Variants in HS3ST5 observed in about 807,000 individuals in gnomAD.
The protein encoded by HS3ST5 is heparan sulfate-glucosamine 3-sulfotransferase 5.
HS3ST5 carries 10 observed loss-of-function variants against 25.4 expected under a neutral mutation model. That is an observed-to-expected ratio of 0.39 (90% CI 0.24 to 0.67). HS3ST5 has a LOEUF of 0.67. HS3ST5 is among the 30% of genes least tolerant of loss of function. The pLI is 0.44. For synonymous variants in HS3ST5, 170 were observed against 162.4 expected (o/e 1.05, Z -0.36); for missense variants, 324 against 420.7 (o/e 0.77, Z 2.01).
At position 114,073,359 on chromosome 6, in the gene HS3ST5, A is replaced by G. The variant is rs139818922; in HGVS notation, c.-32-10482T>C. On this transcript the variant is annotated intron_variant, in intron 3 of 4. Coordinates refer to ENST00000312719, the MANE Select transcript of HS3ST5 (RefSeq NM_153612.4). The stretch of plus-strand genomic sequence containing the variant: ...TATCATCAGAGTGAACAGGCAACCT[A>G]CAGAATGGGAGAAAATTTTTGCAAT... Among the ~76,000 whole-genome samples, 834 of 152,336 alleles carry G rather than the reference A, an allele frequency of 5.5e-3. 6 individuals carry two copies. The highest frequency in any genetic ancestry group is 0.019 in the African/African-American group (804 of 41,562).
intron 3 of HS3ST5, among the ~76,000 whole-genome samples, chr6:114,126,609 T>C (rs1332560054): frequency 2.0e-5 from 3 of 152,210 alleles, no homozygotes; most frequent in Admixed American, 2.0e-4. Flanking sequence ...ATCTAATGTA[T>C]GTAAGAGCAG....
intron 3 of HS3ST5, among the ~76,000 whole-genome samples, chr6:114,129,587 G>A (rs781210110): frequency 1.4e-4 from 21 of 152,076 alleles, no homozygotes; most frequent in East Asian, 5.8e-4. Context: ...GCAGAGGGTG[G>A]GATGCCAAAC....
chr6:114,084,833 CTTTTT>C lies in HS3ST5; in HGVS notation c.-32-21961_-32-21957del, dbSNP rs372362974. 312 of 503,796 alleles carry C rather than the reference CTTTTT, an allele frequency of 6.2e-4. 1 individual carries two copies. The highest frequency in any genetic ancestry group is 3.6e-3 in the South Asian group (179 of 50,390). 31.2% of individuals were successfully genotyped at this position (503,796 alleles called of 1,614,324 possible). On this transcript the variant is annotated intron_variant, in intron 3 of 4. Coordinates refer to ENST00000312719, the MANE Select transcript of HS3ST5 (RefSeq NM_153612.4). Reference sequence around the variant, plus strand: ...GAAAATTTCTTTTTTCTTTTCTTTTCTTTTTTTTTTTTTTTTTGAGACGGAGTCTC... The same window carrying C: ...GAAAATTTCTTTTTTCTTTTCTTTTCTTTTTTTTTTTTGAGACGGAGTCTC...
At chr6:114,176,098 C>G (rs151200227) in intron 2 of HS3ST5, among the ~76,000 whole-genome samples, 1 of 152,182 alleles carries the variant, frequency 6.6e-6, no homozygotes, top group Non-Finnish European at 1.5e-5. Context: ...AGTGTATAGT[C>G]TCCATCAATA....
intron 3 of HS3ST5, among the ~76,000 whole-genome samples, chr6:114,140,592 G>C (rs1777855639): frequency 6.6e-6 from 1 of 152,162 alleles, no homozygotes; most frequent in Non-Finnish European, 1.5e-5. Context: ...GGACCTTGCT[G>C]ACTCTTTTCT....
chr6:114,244,226 T>C lies in HS3ST5; in HGVS notation c.-338-15448A>G, dbSNP rs187101674. On this transcript the variant is annotated intron_variant, in intron 1 of 4. Coordinates refer to ENST00000312719, the MANE Select transcript of HS3ST5 (RefSeq NM_153612.4). ...GTTAATTTAATTCACTATTATTTTT[T>C]AGCAATACCATCTCTCTTAGATTGG... 1.2e-4 allele frequency among the ~76,000 whole-genome samples: 18 copies of C among 152,342 alleles called. No homozygotes were observed. In the East Asian group the frequency reaches 3.5e-3, roughly 29 times the overall value.
chr6:114,220,266 A>C (rs749091430), intron 2 of HS3ST5, among the ~76,000 whole-genome samples: 1 of 152,120 alleles, frequency 6.6e-6, no homozygotes, highest in Non-Finnish European at 1.5e-5. Context: ...GCTTAAACTC[A>C]GAACTGTCTT....
chr6:114,318,037 C>G (rs1395794531), intron 1 of HS3ST5, among the ~76,000 whole-genome samples: 1 of 152,152 alleles, frequency 6.6e-6, no homozygotes, highest in South Asian at 2.1e-4. Flanking sequence ...ACGCATACAA[C>G]TGGCGAGAGT....
intron 1 of HS3ST5, among the ~76,000 whole-genome samples, chr6:114,308,388 G>A (rs1562271419): frequency 1.3e-5 from 2 of 152,060 alleles, no homozygotes; most frequent in South Asian, 2.1e-4. Context: ...GATCGAGACC[G>A]TCATGGCTAA....
chr6:114,223,140 T>C (rs1475537712), intron 2 of HS3ST5, among the ~76,000 whole-genome samples: 1 of 151,740 alleles, frequency 6.6e-6, no homozygotes, highest in Non-Finnish European at 1.5e-5. Flanking sequence ...TAAATTTTCA[T>C]TTTTGAATAT....
chr6:114,226,532 T>C (rs1283500626), intron 2 of HS3ST5, among the ~76,000 whole-genome samples: 1 of 151,962 alleles, frequency 6.6e-6, no homozygotes, highest in Non-Finnish European at 1.5e-5. Context: ...CTACTCATTG[T>C]GTTAGACTTT....
chr6:114,316,973 C>T (rs1033904801), intron 1 of HS3ST5, among the ~76,000 whole-genome samples: 2 of 152,106 alleles, frequency 1.3e-5, no homozygotes, highest in Non-Finnish European at 2.9e-5. Flanking sequence ...AGCAGTTACA[C>T]AGTTAGTTAG....
intron 1 of HS3ST5, among the ~76,000 whole-genome samples, chr6:114,233,187 CT>C (rs1306195354): frequency 2.0e-5 from 3 of 151,918 alleles, no homozygotes; most frequent in Admixed American, 6.6e-5. Context: ...CATGAAGCAC[CT>C]TGTGTTAAAA....
intron 1 of HS3ST5, among the ~76,000 whole-genome samples, chr6:114,228,989 TTTAA>T (rs1771442731): frequency 2.0e-5 from 3 of 152,202 alleles, no homozygotes; most frequent in African/African-American, 7.2e-5. Context: ...TTCCTATTGC[TTTAA>T]TTGACTATTT....
intron 1 of HS3ST5, among the ~76,000 whole-genome samples, chr6:114,311,752 A>C (rs1775544781): frequency 6.6e-6 from 1 of 152,056 alleles, no homozygotes. Context: ...CATGTTGGCT[A>C]AGCGGTTCTT....
intron 2 of HS3ST5, among the ~76,000 whole-genome samples, chr6:114,225,038 T>C (rs1782227281): frequency 6.6e-6 from 1 of 151,726 alleles, no homozygotes; most frequent in Admixed American, 6.6e-5. Context: ...CCTTTACACC[T>C]TGAAGGGCAG....
chr6:114,124,654 G>C (rs902470464), intron 3 of HS3ST5, among the ~76,000 whole-genome samples: 37 of 148,156 alleles, frequency 2.5e-4, no homozygotes, highest in African/African-American at 9.2e-4. Flanking sequence ...TTAATCAAAT[G>C]GGACCAGCTA....
intron 2 of HS3ST5, among the ~76,000 whole-genome samples, chr6:114,223,362 A>T (rs1392541514): frequency 6.6e-6 from 1 of 151,802 alleles, no homozygotes; most frequent in Non-Finnish European, 1.5e-5. Context: ...GCGGCTTTGC[A>T]TGATAACTAA....
chr6:114,329,450 A>T (rs748691526), intron 1 of HS3ST5, among the ~76,000 whole-genome samples: 2 of 152,160 alleles, frequency 1.3e-5, no homozygotes, highest in Non-Finnish European at 2.9e-5. Flanking sequence ...GCTCCACGGG[A>T]TTGGCATTGG....
Sources: gnomAD v4.1 joint callset for allele counts (sites outside exome capture counted in the v4.1 genomes callset) on GRCh38, gnomAD v4.1.1 for gene constraint, MANE v1.5 for transcripts, NCBI Gene and HGNC (gene_info 2026-07-23, HGNC 2026-07-21) for gene names.